The following MYO6 variants were observed in gnomAD, a reference collection of about 807,000 sequenced individuals.
The protein encoded by MYO6 is myosin VI.
A neutral mutation model predicts 178.7 loss-of-function variants in MYO6; 74 were observed. That is an observed-to-expected ratio of 0.41 (90% CI 0.34 to 0.50). The LOEUF (loss-of-function observed/expected upper bound fraction) is 0.50, where lower values mean the gene tolerates loss of function less well. Among genes scored for constraint, MYO6 ranks in the 20% least tolerant of loss-of-function variants. The probability of loss-of-function intolerance (pLI) is 0.09; values close to 1 mark genes in which losing one functional copy is unlikely to be tolerated. For synonymous variants in MYO6, 477 were observed against 504.6 expected (o/e 0.95, Z 0.73); for missense variants, 1,330 against 1,547.4 (o/e 0.86, Z 2.36).
intron 11 of MYO6, among the ~76,000 whole-genome samples, chr6:75,849,468 A>T (rs17794529): frequency 6.6e-6 from 1 of 152,054 alleles, no homozygotes; most frequent in Non-Finnish European, 1.5e-5. Context: ...CTCACTTGCA[A>T]GATTAAATAA....
chr6:75,823,417 G>T (rs181072291), intron 3 of MYO6, among the ~76,000 whole-genome samples: 8 of 152,088 alleles, frequency 5.3e-5, no homozygotes, highest in Non-Finnish European at 1.2e-4. Flanking sequence ...TTAAGATTAA[G>T]CAGTAATCAT....
At chr6:75,908,370 C>T in intron 31 of MYO6, 126 bp from the exon 32 acceptor site, 2 of 841,338 alleles carry the variant, frequency 2.4e-6, no homozygotes. Flanking sequence ...AATTAGCTTA[C>T]TTTTGATTTT....
intron 1 of MYO6, among the ~76,000 whole-genome samples, chr6:75,756,089 T>C (rs1402898935): frequency 6.6e-6 from 1 of 152,180 alleles, no homozygotes; most frequent in Admixed American, 6.5e-5. Context: ...CAAAGAAAAC[T>C]GAGAGAAAAT....
At chr6:75,757,899 G>C (rs1218954580) in intron 1 of MYO6, among the ~76,000 whole-genome samples, 1 of 142,214 alleles carries the variant, frequency 7.0e-6, no homozygotes, top group Non-Finnish European at 1.5e-5. Flanking sequence ...TTTTTGTCAT[G>C]TTTAATGTGG....
intron 1 of MYO6, among the ~76,000 whole-genome samples, chr6:75,802,544 C>T (rs1769589057): frequency 6.8e-6 from 1 of 147,264 alleles, no homozygotes; most frequent in Non-Finnish European, 1.5e-5. Flanking sequence ...AGTGTAGTGG[C>T]ATGATCATGA....
intron 1 of MYO6, among the ~76,000 whole-genome samples, chr6:75,790,608 A>C (rs1184796495): frequency 6.6e-6 from 1 of 152,052 alleles, no homozygotes; most frequent in Non-Finnish European, 1.5e-5. Context: ...TGAACTCCTG[A>C]CCTCGAGTGA....
chr6:75,806,609 G>T (rs1162906737), intron 1 of MYO6, among the ~76,000 whole-genome samples: 1 of 152,208 alleles, frequency 6.6e-6, no homozygotes, highest in African/African-American at 2.4e-5. Flanking sequence ...AAGGTTGTGG[G>T]TTTACTGGAA....
intron 7 of MYO6, 37 bp downstream of exon 7, chr6:75,835,993 A>T (rs745767140): frequency 2.1e-6 from 3 of 1,431,022 alleles, no homozygotes; most frequent in Non-Finnish European, 3.0e-6. Flanking sequence ...CGTGTACTGA[A>T]ATTAATTTAC....
intron 34 of MYO6, 124 bp from the exon 35 acceptor site, chr6:75,914,689 C>A: frequency 1.1e-6 from 1 of 927,324 alleles, no homozygotes; most frequent in Non-Finnish European, 1.7e-6. Flanking sequence ...AGATTTCCAT[C>A]TTAGAGAAAA....
chr6:75,908,414 A>C, intron 31 of MYO6, 82 bp from the exon 32 acceptor site: 2 of 1,368,274 alleles, frequency 1.5e-6, no homozygotes, highest in African/African-American at 1.5e-5. Context: ...AAATCTCCTT[A>C]TGCGACAGAA....
intron 1 of MYO6, among the ~76,000 whole-genome samples, chr6:75,767,392 T>C (rs1778520133): frequency 6.6e-6 from 1 of 151,958 alleles, no homozygotes; most frequent in Non-Finnish European, 1.5e-5. Context: ...ACATTCTGAA[T>C]AATAATACAT....
chr6:75,828,700 A>G, intron 4 of MYO6, 87 bp downstream of exon 4: 1 of 883,864 alleles, frequency 1.1e-6, no homozygotes, highest in Non-Finnish European at 1.9e-6. Flanking sequence ...GAAATTGTCT[A>G]ACAGAAAATC....
At chr6:75,881,562 T>A in intron 22 of MYO6, 127 bp from the exon 23 acceptor site, 1 of 886,458 alleles carries the variant, frequency 1.1e-6, no homozygotes, top group Non-Finnish European at 1.8e-6. Context: ...TGCCAAGGCC[T>A]ATGTAATTGA....
rs1409813831 is a variant in MYO6 at position 75,887,140 on chromosome 6, CATT to C, written c.2658+151_2658+153del. ...TCAATGATGGCAAGTACATGCTCAT[CATT>C]ATTACCTCTACTCTTTATGTTTGAA... is the stretch of plus-strand genomic sequence containing the variant. On this transcript the variant is annotated intron_variant, in intron 25 of 34. Transcript: ENST00000369977. 5 of 730,010 alleles carry C rather than the reference CATT, an allele frequency of 6.8e-6. No individual in the cohort carries two copies. The African/African-American group carries it at 8.8e-5, about 13-fold the overall frequency. 45.2% of individuals were successfully genotyped at this position (730,010 alleles called of 1,614,324 possible).
intron 22 of MYO6, among the ~76,000 whole-genome samples, chr6:75,881,077 C>T (rs1777980351): frequency 1.3e-5 from 2 of 152,026 alleles, no homozygotes; most frequent in African/African-American, 2.4e-5. Flanking sequence ...CATGGCAAAA[C>T]CTCATCTCTA....
chr6:75,873,739 C>T (rs2149328821), intron 20 of MYO6, among the ~76,000 whole-genome samples: 1 of 152,326 alleles, frequency 6.6e-6, no homozygotes. Flanking sequence ...TAGTTCATTT[C>T]TCATTCCACA....
At chr6:75,787,587 A>C (rs1240284260) in intron 1 of MYO6, among the ~76,000 whole-genome samples, 2 of 147,956 alleles carry the variant, frequency 1.4e-5, no homozygotes, top group African/African-American at 4.9e-5. Context: ...AAGAAAGGCA[A>C]ATGAAATTGA....
At chr6:75,914,304 A>G (rs770362753) in intron 34 of MYO6, 23 bp downstream of exon 34, 15 of 1,603,462 alleles carry the variant, frequency 9.4e-6, no homozygotes, top group Admixed American at 3.3e-5. Flanking sequence ...CACATGGAAA[A>G]CAAATTATAG....
chr6:75,839,093 CTAGT>C (rs1434277295), intron 7 of MYO6, among the ~76,000 whole-genome samples: 1 of 152,064 alleles, frequency 6.6e-6, no homozygotes, highest in Non-Finnish European at 1.5e-5. Context: ...AGTTTAGAGA[CTAGT>C]TAAGCATTCT....
Sources: gnomAD v4.1 joint callset for allele counts (sites outside exome capture counted in the v4.1 genomes callset) on GRCh38, gnomAD v4.1.1 for gene constraint, MANE v1.5 for transcripts, NCBI Gene and HGNC (gene_info 2026-07-23, HGNC 2026-07-21) for gene names.